SPTBN5: variants seen among roughly 807,000 people sequenced by gnomAD.
SPTBN5 encodes the protein spectrin beta, non-erythrocytic 5, also known as spectrin beta chain, non-erythrocytic 5.
SPTBN5 carries 513 observed loss-of-function variants against 477.6 expected under a neutral mutation model. The ratio of observed to expected loss-of-function variants is 1.07; its 90% CI spans 1.00 to 1.16. The LOEUF is 1.16. SPTBN5 is among the 50% of genes most tolerant of loss of function. The pLI, the probability that SPTBN5 is intolerant of heterozygous loss-of-function variation, is 0.00. For missense variants in SPTBN5, 5,062 were observed against 4,731.8 expected, an observed-to-expected ratio of 1.07 and a Z score of -2.05; for synonymous variants, 2,169 against 2,011.7, an observed-to-expected ratio of 1.08 and a Z score of -2.09.
chr15:41,858,826 G>A (rs2066004087), intron 48 of SPTBN5, 64 bp downstream of exon 48: 5 of 1,550,804 alleles, frequency 3.2e-6, no homozygotes, highest in East Asian at 2.3e-5. Context: ...CAGAGGAAGG[G>A]TGGCCTTTCC....
At chr15:41,853,495 G>A in intron 58 of SPTBN5, 48 bp from the exon 59 acceptor site, 1 of 1,540,340 alleles carries the variant, frequency 6.5e-7, no homozygotes, top group Non-Finnish European at 8.8e-7. Context: ...TGGGGAGCAG[G>A]GGAGGGAGGG....
intron 14 of SPTBN5, 133 bp from the exon 15 acceptor site, chr15:41,879,997 A>G (rs2066893073): frequency 1.4e-6 from 2 of 1,432,678 alleles, no homozygotes; most frequent in Non-Finnish European, 1.9e-6. Flanking sequence ...AAAGACAGCC[A>G]TCCGAGTCCT....
In SPTBN5 at chr15:41,857,706, C is replaced by G. The variant is rs758439164; in HGVS notation, c.8231G>C (p.Gly2744Ala). ...MHQQQELQREGQRLLQGGHPA... is the reference protein window; with the variant it reads ...MHQQQELQREAQRLLQGGHPA... The stretch of plus-strand genomic sequence containing the variant: ...GTGGCCCCCCTGCAGCAGCCTCTGT[C>G]CCTCCTGCAGCCACAACATGAAACA... Residue 2744 changes from glycine to alanine, a missense_variant, in exon 50 of 68, where the codon GGA becomes GCA. Physicochemically the swap from Gly to Ala is moderately conservative, Grantham distance 60. Coordinates refer to ENST00000320955, the MANE Select transcript of SPTBN5 (RefSeq NM_016642.4). 5.7e-6 allele frequency: 9 copies of G among 1,571,280 alleles called. No individual in the cohort carries two copies. Among genetic ancestry groups the G allele is most frequent in the Non-Finnish European group, 6.9e-6 (8 of 1,161,056 alleles).
chr15:41,857,838 C>G, intron 49 of SPTBN5, 128 bp from the exon 50 acceptor site: 1 of 1,104,522 alleles, frequency 9.1e-7, no homozygotes, highest in Non-Finnish European at 1.3e-6. Context: ...TCTTGAGCAA[C>G]TTTCTTTACC....
In SPTBN5 at chr15:41,881,090, G is replaced by A. The variant is rs2066934332; in HGVS notation, c.2602C>T (p.Leu868Phe). The A allele has an allele frequency of 6.2e-7, 1 of 1,611,340 alleles. No individual in the cohort carries two copies. The highest frequency in any genetic ancestry group is 8.5e-7 in the Non-Finnish European group (1 of 1,178,858). Residue 868 changes from leucine to phenylalanine, a missense_variant, in exon 13 of 68, where the codon CTC (leucine) becomes TTC (phenylalanine). By Grantham distance (22) the Leu-to-Phe change is conservative. Transcript: ENST00000320955. ...TGACTCAAGTGGTCCTGTGTCTGGA[G>A]TATAGTGTTGGGATCAAAGTCAGGG... ...PDPDFDPNTI[L>F]QTQDHLSQDY...
chr15:41,867,722 C>T lies in SPTBN5; in HGVS notation c.6208-80G>A. 3.0e-6 allele frequency: 4 copies of T among 1,346,860 alleles called. No homozygotes were observed. In the South Asian group the frequency reaches 3.5e-5, roughly 12 times the overall value. 83.4% of individuals were successfully genotyped at this position (1,346,860 alleles called of 1,614,324 possible). On this transcript the variant is annotated intron_variant, in intron 34 of 67. Coordinates refer to ENST00000320955, the MANE Select transcript of SPTBN5 (RefSeq NM_016642.4). ...CAGCTGCAGTCTGTGCCCATGGGCA[C>T]TCTGGGTATGGCAGGGCCTTAGGAG...
chr15:41,882,700 A>G lies in SPTBN5; in HGVS notation c.1931T>C (p.Phe644Ser). Residue 644 changes from phenylalanine (F) to serine (S), a missense_variant, in exon 10 of 68, where the codon TTC becomes TCC. Transcript: ENST00000320955. Reference protein sequence around the residue: ...LLEQTLQRAEFLRNCEEEEAW... With the variant: ...LLEQTLQRAESLRNCEEEEAW... ...TTCCTCCTCCTCACAGTTGCGCAGG[A>G]ACTCTGCCCGCTGCAGGGTCTGCTC... is the stretch of plus-strand genomic sequence containing the variant. The G allele has an allele frequency of 6.2e-7, 1 of 1,609,822 alleles. No individual in the cohort carries two copies. Among genetic ancestry groups the G allele is most frequent in the Non-Finnish European group, 8.5e-7 (1 of 1,178,436 alleles).
intron 23 of SPTBN5, 40 bp downstream of exon 23, chr15:41,874,802 G>C: frequency 2.6e-6 from 4 of 1,567,656 alleles, no homozygotes; most frequent in Non-Finnish European, 3.5e-6. Context: ...AAATTCACAT[G>C]GAGGAGTGAC....
rs201119789 is a variant in SPTBN5 at position 41,853,308 on chromosome 15, G to A, written c.10120C>T (p.Arg3374Trp). The A allele has an allele frequency of 7.9e-4, 1,270 of 1,611,884 alleles. No individual in the cohort carries two copies. The highest frequency in any genetic ancestry group is 1.6e-3 in the Admixed American group (96 of 59,986). The change falls in exon 59 of 68, where the codon CGG (arginine) becomes TGG (tryptophan). Residue 3374 changes from arginine to tryptophan, a missense_variant. Arg to Trp is a moderately radical substitution (Grantham distance 101, BLOSUM62 -3). Transcript: ENST00000320955. ...RECRLQAQDL[R>W]QEGQQLVDNS... ...TCCACCAGCTGCTGTCCTTCCTGCCGCAGGTCCTGGGCTTGAAGGCGGCAC... is the reference window on the plus strand; with the variant it reads ...TCCACCAGCTGCTGTCCTTCCTGCCACAGGTCCTGGGCTTGAAGGCGGCAC...
chr15:41,858,812 A>G (rs1595452848), intron 48 of SPTBN5, 64 bp from the exon 49 acceptor site: 1 of 1,557,598 alleles, frequency 6.4e-7, no homozygotes. Flanking sequence ...CCTCTGGGAT[A>G]CCCCAGAGGA....
Position 41,882,392 on chromosome 15 carries a change from G to T in SPTBN5, c.2124C>A (p.Arg708=). The T allele has an allele frequency of 6.5e-7, 1 of 1,538,880 alleles. No individual in the cohort carries two copies. Among genetic ancestry groups the T allele is most frequent in the East Asian group, 2.4e-5 (1 of 41,024 alleles). Residue 708 remains arginine (R), a synonymous_variant, in exon 11 of 68, where the codon CGC becomes CGA. Coordinates refer to ENST00000320955, the MANE Select transcript of SPTBN5 (RefSeq NM_016642.4). ...LVRRGRDLSA[R]RPPTQPDPGE... is the part of the protein sequence containing the mutation. ...CGGGATCCGGCTGCGTTGGGGGCCT[G>T]CGGGCGCTGAGGTCGCGTCCCCTCC...
chr15:41,859,740 A>G (rs1212425), intron 47 of SPTBN5, among the ~76,000 whole-genome samples: 117,022 of 151,984 alleles, frequency 0.77, 45,455 homozygotes, highest in East Asian at 0.85. Context: ...GGTGGTGACA[A>G]AGACCAGCAA....
rs1368909511 is a variant in SPTBN5, at chr15:41,883,414, G to A, written c.1593C>T (p.Asp531=). The A allele has an allele frequency of 2.5e-6, 4 of 1,613,848 alleles. No homozygotes were observed. In the African/African-American group the frequency reaches 4.0e-5, roughly 16 times the overall value. ...HLQGQRKQVA[D]MQAVLSLLQE... Reference sequence around the variant, plus strand: ...GCAGCAGGCTCAGCACAGCCTGCATGTCTGCCACCTGCTTCCTCTGTCCCT... The same window carrying A: ...GCAGCAGGCTCAGCACAGCCTGCATATCTGCCACCTGCTTCCTCTGTCCCT... The change falls in exon 8 of 68, where the codon GAC becomes GAT. Residue 531 remains aspartate, a synonymous_variant. Coordinates refer to ENST00000320955, the MANE Select transcript of SPTBN5 (RefSeq NM_016642.4).
Position 41,851,370 on chromosome 15 carries a change from C to G in SPTBN5, c.10657-1G>C. The G allele has an allele frequency of 6.4e-7, 1 of 1,550,560 alleles. No homozygotes were observed. Among genetic ancestry groups the G allele is most frequent in the Non-Finnish European group, 8.7e-7 (1 of 1,146,756 alleles). ...AGCTGTCCCAGGAGCTCGAGCTAGG[C>G]TGTGGAGAGGAGGCGGGAAGGTCGC... On this transcript the variant is annotated splice_acceptor_variant, in intron 63 of 67. Transcript: ENST00000320955. LOFTEE classifies it high-confidence loss of function.
Position 41,857,495 on chromosome 15 carries a change from C to G in SPTBN5, c.8365-1G>C. On this transcript the variant is annotated splice_acceptor_variant, in intron 50 of 67. Transcript: ENST00000320955. LOFTEE classifies it high-confidence loss of function. ...CCATGCTCCGCCGCAGACGCAGGGC[C>G]TAGGGTAGAAAGTGAGGTAGGCAGG... 1.2e-6 allele frequency: 2 copies of G among 1,605,882 alleles called. No individual in the cohort carries two copies. Among genetic ancestry groups the G allele is most frequent in the Non-Finnish European group, 8.5e-7 (1 of 1,174,374 alleles).
Position 41,852,949 on chromosome 15 carries a change from C to A in SPTBN5, c.10222G>T (p.Ala3408Ser). ...CAGCGTTGCCAGCGCAGGGCCCAAG[C>A]CTCCTCCAGCTCCTGCAGCCGCCCT... ...LEGRLQELEE[A>S]WALRWQRCAE... Residue 3408 changes from alanine (A) to serine (S), a missense_variant, in exon 60 of 68, where the codon GCT becomes TCT. Physicochemically the swap from Ala to Ser is moderately conservative, Grantham distance 99. Transcript: ENST00000320955. 2 of 1,577,114 alleles carry A rather than the reference C, an allele frequency of 1.3e-6. No homozygotes were observed. The highest frequency in any genetic ancestry group is 8.6e-7 in the Non-Finnish European group (1 of 1,162,076).
chr15:41,878,557 C>A lies in SPTBN5; in HGVS notation c.3255G>T (p.Lys1085Asn), dbSNP rs1200536533. 6.2e-7 allele frequency: 1 copy of A among 1,612,860 alleles called. No individual in the cohort carries two copies. The highest frequency in any genetic ancestry group is 8.5e-7 in the Non-Finnish European group (1 of 1,179,748). The change falls in exon 17 of 68, where the codon AAG (lysine) becomes AAT (asparagine). Residue 1085 changes from lysine (K) to asparagine (N), a missense_variant. Lys to Asn is a moderately conservative substitution (Grantham distance 94). Transcript: ENST00000320955. ...GTTGGGCCACTTGTTCCTGTACTTG[C>A]TTCAGCAGCCCCTGCAGTGTCTCCA... ...GQVETLQGLL[K>N]QVQEQVAQRA...
intron 32 of SPTBN5, among the ~76,000 whole-genome samples, chr15:41,868,952 G>A (rs2066435905): frequency 1.3e-5 from 2 of 152,224 alleles, no homozygotes; most frequent in Admixed American, 1.3e-4. Flanking sequence ...GATGGGGAAA[G>A]AAAGTTCACC....
In SPTBN5 at chr15:41,872,061, GAC is replaced by G. The variant is rs1567210350; in HGVS notation, c.5166-146_5166-145del. ...GCGGCTCACGATTCAGGGAGTAGTA[GAC>G]ACAGCAGTGCAGGTGTAGGGGCAGA... On this transcript the variant is annotated intron_variant, in intron 27 of 67. Coordinates refer to ENST00000320955, the MANE Select transcript of SPTBN5 (RefSeq NM_016642.4). 4.3e-6 allele frequency: 5 copies of G among 1,170,012 alleles called. No homozygotes were observed. In the East Asian group the frequency reaches 7.8e-5, roughly 18 times the overall value. The allele number at this position is 1,170,012 out of a possible 1,614,324, so 72.5% of individuals were successfully genotyped here.
Sources: allele counts gnomAD v4.1 joint callset (sites outside exome capture counted in the v4.1 genomes callset), GRCh38; gene constraint gnomAD v4.1.1; transcripts MANE v1.5; gene names NCBI Gene and HGNC (gene_info 2026-07-23, HGNC 2026-07-21).